Variants in C6orf118 observed in about 807,000 individuals in gnomAD.
C6orf118 encodes the protein chromosome 6 open reading frame 118.
C6orf118 carries 50 observed loss-of-function variants against 50.2 expected under a neutral mutation model. The observed-to-expected ratio is 1.00, with a 90% CI of 0.79 to 1.26. The LOEUF is 1.26. Among genes scored for constraint, C6orf118 ranks in the 50% most tolerant of loss-of-function variants. The pLI is 0.00. For missense variants in C6orf118, 641 were observed against 578.7 expected (o/e 1.11, Z -1.10); for synonymous variants, 239 against 230.9 (o/e 1.03, Z -0.32).
intron 7 of C6orf118, among the ~76,000 whole-genome samples, chr6:165,287,333 T>C (rs2128157794): frequency 6.6e-6 from 1 of 152,214 alleles, no homozygotes; most frequent in African/African-American, 2.4e-5. Context: ...AGAATCAGTA[T>C]CATGAAAATG....
At chr6:165,296,261 T>TG (rs1181361780) in intron 5 of C6orf118, among the ~76,000 whole-genome samples, 50 of 132,786 alleles carry the variant, frequency 3.8e-4, no homozygotes, top group South Asian at 6.7e-4. Flanking sequence ...TTTTTTTTTT[T>TG]TTTTTTTTTT....
Position 165,301,901 on chromosome 6 carries a change from T to G in C6orf118, c.421A>C (p.Thr141Pro). The G allele has an allele frequency of 1.2e-6, 2 of 1,613,620 alleles. No individual in the cohort carries two copies. Residue 141 changes from threonine (T) to proline (P), a missense_variant, in exon 2 of 9, where the codon ACT becomes CCT. Transcript: ENST00000230301. ...YLNPQASLSHTSEEDFLPVEA... is the reference protein window; with the variant it reads ...YLNPQASLSHPSEEDFLPVEA... The stretch of plus-strand genomic sequence containing the variant: ...ACTGGAAGGAAATCCTCCTCTGAAG[T>G]GTGGGAAAGAGAGGCCTGGGGGTTC...
At chr6:165,295,757 C>CCT (rs149503486) in intron 5 of C6orf118, among the ~76,000 whole-genome samples, 9,277 of 151,914 alleles carry the variant, frequency 0.061, 317 homozygotes, top group Non-Finnish European at 0.083. Context: ...CCCTGATTTT[C>CCT]CTTTTTATAG....
chr6:165,298,803 T>TG (rs1780407727), intron 4 of C6orf118, among the ~76,000 whole-genome samples: 1 of 152,250 alleles, frequency 6.6e-6, no homozygotes, highest in African/African-American at 2.4e-5. Context: ...AAACTAGAAC[T>TG]GATCTCCTTG....
In C6orf118 at chr6:165,302,029, G is replaced by A. The variant is rs769452732; in HGVS notation, c.293C>T (p.Pro98Leu). 1.3e-5 allele frequency: 21 copies of A among 1,613,434 alleles called. No individual in the cohort carries two copies. The highest frequency in any genetic ancestry group is 1.6e-4 in the Middle Eastern group (1 of 6,084). The part of the protein sequence containing the change: ...GERASEVGEP[P>L]AGKVARMKEA... ...CTTCATCCTCGCCACCTTCCCTGCGGGCGGCTCTCCCACCTCAGAGGCGCG... is the reference window on the plus strand; with the variant it reads ...CTTCATCCTCGCCACCTTCCCTGCGAGCGGCTCTCCCACCTCAGAGGCGCG... Residue 98 changes from proline (P) to leucine (L), a missense_variant, in exon 2 of 9, where the codon CCC becomes CTC. Physicochemically the swap from Pro to Leu is moderately conservative, Grantham distance 98. Transcript: ENST00000230301.
chr6:165,294,278 A>C (rs9457063), intron 5 of C6orf118, among the ~76,000 whole-genome samples: 14,624 of 150,308 alleles, frequency 0.097, 953 homozygotes, highest in African/African-American at 0.17. Flanking sequence ...CAAAAAAAAA[A>C]AAAGTAAATA....
chr6:165,300,303 C>T, intron 3 of C6orf118, 61 bp downstream of exon 3: 1 of 1,597,484 alleles, frequency 6.3e-7, no homozygotes, highest in Non-Finnish European at 8.5e-7. Flanking sequence ...TGAGATCATT[C>T]TTGTACACAG....
Position 165,279,910 on chromosome 6 carries a change from G to T in C6orf118, c.*147C>A. On this transcript the variant is annotated 3_prime_UTR_variant, in exon 9 of 9. Transcript: ENST00000230301. ...TGTGTGTATTTCAGTATCCTGAGTA[G>T]GATACATATACCACATTAATTTTAC... The T allele has an allele frequency of 1.4e-6, 1 of 736,086 alleles. No individual in the cohort carries two copies. The highest frequency in any genetic ancestry group is 2.1e-6 in the Non-Finnish European group (1 of 471,794). 45.6% of individuals were successfully genotyped at this position (736,086 alleles called of 1,614,324 possible).
intron 2 of C6orf118, among the ~76,000 whole-genome samples, chr6:165,301,184 C>T (rs758794671): frequency 6.6e-6 from 1 of 152,162 alleles, no homozygotes; most frequent in Non-Finnish European, 1.5e-5. Context: ...GCACCTGGTA[C>T]AGTGCTGCAT....
At chr6:165,299,530 G>A (rs749039427) in intron 3 of C6orf118, 28 bp from the exon 4 acceptor site, 1 of 1,603,476 alleles carries the variant, frequency 6.2e-7, no homozygotes, top group South Asian at 1.1e-5. Context: ...AAAGTCCACT[G>A]GCCATGTATG....
At chr6:165,292,264 C>G (rs1780130381) in intron 6 of C6orf118, among the ~76,000 whole-genome samples, 1 of 152,130 alleles carries the variant, frequency 6.6e-6, no homozygotes, top group African/African-American at 2.4e-5. Context: ...GGGGACATTC[C>G]ACAGCAAATG....
chr6:165,293,294 A>G (rs1394002373), intron 6 of C6orf118, 119 bp downstream of exon 6: 1 of 933,194 alleles, frequency 1.1e-6, no homozygotes, highest in Non-Finnish European at 1.8e-6. Context: ...CTCGCAACAA[A>G]ACTCAGAGGG....
chr6:165,303,369 GA>G (rs1780632748), intron 1 of C6orf118, among the ~76,000 whole-genome samples: 1 of 150,978 alleles, frequency 6.6e-6, no homozygotes, highest in Non-Finnish European at 1.5e-5. Context: ...GAGAAAGCAG[GA>G]AAGATCCAAA....
intron 1 of C6orf118, among the ~76,000 whole-genome samples, chr6:165,306,632 G>A (rs530236714): frequency 1.4e-5 from 2 of 146,972 alleles, no homozygotes; most frequent in East Asian, 4.0e-4. Context: ...AACACTTAAA[G>A]CTCTAAAAGG....
intron 5 of C6orf118, among the ~76,000 whole-genome samples, chr6:165,296,092 C>T (rs1206529784): frequency 6.6e-6 from 1 of 152,104 alleles, no homozygotes; most frequent in Non-Finnish European, 1.5e-5. Flanking sequence ...TTTCCCAAAA[C>T]CTCACTTGCT....
At chr6:165,287,159 T>C (rs1215522007) in intron 7 of C6orf118, among the ~76,000 whole-genome samples, 1 of 152,114 alleles carries the variant, frequency 6.6e-6, no homozygotes, top group Non-Finnish European at 1.5e-5. Context: ...AGCCCAATTA[T>C]GAATGAACTC....
At chr6:165,285,990 G>GT (rs200172358) in intron 7 of C6orf118, among the ~76,000 whole-genome samples, 1 of 150,958 alleles carries the variant, frequency 6.6e-6, no homozygotes, top group East Asian at 2.0e-4. Context: ...CTAGGAGATG[G>GT]TTTTTTTGAA....
chr6:165,300,023 A>G (rs1780459487), intron 3 of C6orf118, among the ~76,000 whole-genome samples: 1 of 152,248 alleles, frequency 6.6e-6, no homozygotes, highest in African/African-American at 2.4e-5. Flanking sequence ...CTATAATTCC[A>G]TAAGGATTCA....
At position 165,279,822 on chromosome 6, in the gene C6orf118, C is replaced by G. The variant is rs1779668429; in HGVS notation, c.*235G>C. On this transcript the variant is annotated 3_prime_UTR_variant, in exon 9 of 9. Coordinates refer to ENST00000230301, the MANE Select transcript of C6orf118 (RefSeq NM_144980.4). ...TGAACATTATTAAATGAAAGTAAAA[C>G]ATACGTTAAGAACTAGTATTGTTGT... The G allele has an allele frequency of 2.5e-6, 1 of 392,532 alleles. No individual in the cohort carries two copies. 24.3% of individuals were successfully genotyped at this position (392,532 alleles called of 1,614,324 possible).
Sources: gnomAD v4.1 joint callset for allele counts (sites outside exome capture counted in the v4.1 genomes callset) on GRCh38, gnomAD v4.1.1 for gene constraint, MANE v1.5 for transcripts, NCBI Gene and HGNC (gene_info 2026-07-23, HGNC 2026-07-21) for gene names.